EIF2AK4: variants seen among roughly 807,000 people sequenced by gnomAD.
The protein encoded by EIF2AK4 is eIF-2-alpha kinase GCN2.
In EIF2AK4, 139 loss-of-function variants were observed where a neutral mutation model predicts 211.1. The ratio of observed to expected loss-of-function variants is 0.66; its 90% CI spans 0.57 to 0.76. EIF2AK4 has a LOEUF of 0.76. EIF2AK4 is among the 30% of genes least tolerant of loss of function. The pLI is 0.00. For synonymous variants in EIF2AK4, 710 were observed against 751.3 expected, an observed-to-expected ratio of 0.94 and a Z score of 0.90; for missense variants, 1,664 against 2,043.8, an observed-to-expected ratio of 0.81 and a Z score of 3.58.
At chr15:40,033,634 C>G (rs1204833584) in intron 37 of EIF2AK4, among the ~76,000 whole-genome samples, 12 of 152,130 alleles carry the variant, frequency 7.9e-5, no homozygotes, top group Admixed American at 7.9e-4. Context: ...ATTTTTTGTT[C>G]TCTTACAAAT....
chr15:39,981,868 G>T (rs1052307169), intron 13 of EIF2AK4, among the ~76,000 whole-genome samples: 2 of 151,390 alleles, frequency 1.3e-5, no homozygotes, highest in Non-Finnish European at 2.9e-5. Context: ...GCAGCTGAGG[G>T]CATGTTCTTC....
intron 6 of EIF2AK4, among the ~76,000 whole-genome samples, chr15:39,960,057 A>G (rs929459408): frequency 4.6e-5 from 7 of 151,596 alleles, no homozygotes; most frequent in East Asian, 1.9e-4. Context: ...CCAGCTACTC[A>G]GGAGGCTGAG....
intron 16 of EIF2AK4, 110 bp downstream of exon 16, chr15:39,990,487 C>T: frequency 4.4e-6 from 4 of 916,086 alleles, no homozygotes; most frequent in Non-Finnish European, 6.8e-6. Flanking sequence ...GCCGTCTAAT[C>T]CTCAGGAGAT....
intron 27 of EIF2AK4, among the ~76,000 whole-genome samples, chr15:40,011,572 G>T (rs1480354671): frequency 6.6e-6 from 1 of 152,122 alleles, no homozygotes; most frequent in Admixed American, 6.6e-5. Context: ...TTCTTGATAC[G>T]CTGTAATCAT....
At chr15:39,942,483 C>T (rs757859619) in intron 2 of EIF2AK4, among the ~76,000 whole-genome samples, 3 of 152,212 alleles carry the variant, frequency 2.0e-5, no homozygotes, top group African/African-American at 4.8e-5. Flanking sequence ...ATTGAGAGAA[C>T]GCATAGATAA....
chr15:39,995,345 C>T (rs1314454314), intron 18 of EIF2AK4, among the ~76,000 whole-genome samples: 3 of 152,106 alleles, frequency 2.0e-5, no homozygotes, highest in South Asian at 2.1e-4. Context: ...AGAGTCTCGC[C>T]GCCCCCTCTT....
At chr15:39,958,219 T>C (rs2034418575) in intron 6 of EIF2AK4, among the ~76,000 whole-genome samples, 1 of 152,376 alleles carries the variant, frequency 6.6e-6, no homozygotes, top group Non-Finnish European at 1.5e-5. Flanking sequence ...ATGAATTTTG[T>C]AGAAGAAGCA....
chr15:39,987,506 C>T (rs1374315209), intron 14 of EIF2AK4, among the ~76,000 whole-genome samples: 1 of 152,104 alleles, frequency 6.6e-6, no homozygotes, highest in East Asian at 1.9e-4. Flanking sequence ...TGAGACAGAG[C>T]CCCTGTGTCA....
At chr15:39,992,398 T>A in intron 17 of EIF2AK4, 169 bp downstream of exon 17, 2 of 564,440 alleles carry the variant, frequency 3.5e-6, no homozygotes, top group Non-Finnish European at 3.0e-6. Context: ...TTTCAATTTA[T>A]GAATTATTCT....
At chr15:39,978,179 A>G (rs1255273778) in intron 13 of EIF2AK4, 32 bp downstream of exon 13, 1 of 1,282,410 alleles carries the variant, frequency 7.8e-7, no homozygotes, top group South Asian at 1.5e-5. Flanking sequence ...ATATCATTTT[A>G]TTCGTGATAT....
Position 40,032,739 on chromosome 15 carries a change from A to T in EIF2AK4, c.4729-18A>T, listed in dbSNP as rs1555423770. The T allele has an allele frequency of 1.2e-6, 2 of 1,611,954 alleles. No homozygotes were observed. The highest frequency in any genetic ancestry group is 2.2e-5 in the East Asian group (1 of 44,866). Reference sequence around the variant, plus strand: ...ATTGTGCTGCTGAGAGTTGATGTACATTTGTGTGTATTCACAGGTGGATCT... The same window carrying T: ...ATTGTGCTGCTGAGAGTTGATGTACTTTTGTGTGTATTCACAGGTGGATCT... On this transcript the variant is annotated intron_variant, in intron 36 of 38. Transcript: ENST00000263791.
chr15:39,946,662 T>C (rs1236449870), intron 3 of EIF2AK4: 1 of 700,352 alleles, frequency 1.4e-6, no homozygotes, highest in Non-Finnish European at 2.6e-6. Flanking sequence ...CAAACAGCAT[T>C]GAATGCTACA....
intron 21 of EIF2AK4, among the ~76,000 whole-genome samples, chr15:40,002,139 T>G (rs2035101414): frequency 6.6e-6 from 1 of 152,172 alleles, no homozygotes; most frequent in South Asian, 2.1e-4. Context: ...CAAACACAAT[T>G]TTTACTGGCT....
intron 18 of EIF2AK4, among the ~76,000 whole-genome samples, chr15:39,995,620 TAATA>T (rs1036905776): frequency 3.9e-5 from 6 of 152,150 alleles, no homozygotes; most frequent in Non-Finnish European, 8.8e-5. Context: ...GTCAATTATT[TAATA>T]GTTATCTTGA....
chr15:40,008,688 T>C (rs1015969672), intron 25 of EIF2AK4, among the ~76,000 whole-genome samples: 3 of 152,140 alleles, frequency 2.0e-5, no homozygotes, highest in African/African-American at 4.8e-5. Context: ...TGCCCAGCCA[T>C]GGTTTGGGCC....
chr15:40,006,315 A>G (rs932936092), intron 23 of EIF2AK4, among the ~76,000 whole-genome samples: 4 of 152,102 alleles, frequency 2.6e-5, no homozygotes, highest in African/African-American at 9.7e-5. Context: ...GTTTTGTTGA[A>G]AAAAAAAGAA....
chr15:39,952,580 T>C lies in EIF2AK4; in HGVS notation c.514-1324T>C, dbSNP rs142289984. Among the ~76,000 whole-genome samples, 360 of 152,250 alleles carry C rather than the reference T, an allele frequency of 2.4e-3. 4 individuals carry two copies. The highest frequency in any genetic ancestry group is 0.018 in the East Asian group (91 of 5,184). Reference sequence around the variant, plus strand: ...CATGAGCCACCGTGCCCAGCACCATTTGTATATCTATTTTTATTTTTTGTT... The same window carrying C: ...CATGAGCCACCGTGCCCAGCACCATCTGTATATCTATTTTTATTTTTTGTT... On this transcript the variant is annotated intron_variant, in intron 4 of 38. Coordinates refer to ENST00000263791, the MANE Select transcript of EIF2AK4 (RefSeq NM_001013703.4).
At chr15:40,005,046 T>A (rs533395895) in intron 23 of EIF2AK4, among the ~76,000 whole-genome samples, 1 of 152,314 alleles carries the variant, frequency 6.6e-6, no homozygotes, top group East Asian at 1.9e-4. Context: ...CTGCATTGAA[T>A]CCACACAAAA....
At chr15:40,016,759 A>G in intron 28 of EIF2AK4, 87 bp downstream of exon 28, 1 of 1,434,674 alleles carries the variant, frequency 7.0e-7, no homozygotes, top group South Asian at 1.3e-5. Context: ...CACTAATGCT[A>G]GTTAGTGTTT....
Sources: gnomAD v4.1 joint callset for allele counts (sites outside exome capture counted in the v4.1 genomes callset) on GRCh38, gnomAD v4.1.1 for gene constraint, MANE v1.5 for transcripts, NCBI Gene and HGNC (gene_info 2026-07-23, HGNC 2026-07-21) for gene names.